The following KICS2 variants were observed in gnomAD, a reference collection of about 807,000 sequenced individuals.
KICS2 encodes the protein KICSTOR subunit 2, also known as KICSTOR complex protein C12orf66.
In KICS2, 13 loss-of-function variants were observed where a neutral mutation model predicts 31.4. That is an observed-to-expected ratio of 0.41 (90% CI 0.27 to 0.66). The LOEUF is 0.66. Ranked by LOEUF, KICS2 falls within the 30% of genes least tolerant of loss-of-function variation. KICS2 has a pLI of 0.28. For synonymous variants in KICS2, 209 were observed against 214.8 expected (o/e 0.97, Z 0.24); for missense variants, 455 against 545.4 (o/e 0.83, Z 1.65).
chr12:64,192,490 G>T lies in KICS2; in HGVS notation c.*1352C>A. ...CAGGCTTCCTACATGGACTCTGAGGGGCTCTCTGGTCTCTGCTGATGTTGC... is the reference window on the plus strand; with the variant it reads ...CAGGCTTCCTACATGGACTCTGAGGTGCTCTCTGGTCTCTGCTGATGTTGC... On this transcript the variant is annotated 3_prime_UTR_variant, in exon 3 of 3. Coordinates refer to ENST00000398055, the MANE Select transcript of KICS2 (RefSeq NM_152440.5). The T allele has an allele frequency of 5.4e-6, 3 of 551,054 alleles. No homozygotes were observed. The highest frequency in any genetic ancestry group is 4.6e-6 in the Non-Finnish European group (2 of 433,166). 34.1% of individuals were successfully genotyped at this position (551,054 alleles called of 1,614,324 possible).
intron 1 of KICS2, among the ~76,000 whole-genome samples, chr12:64,220,254 A>G (rs2037668203): frequency 6.6e-6 from 1 of 152,182 alleles, no homozygotes; most frequent in Admixed American, 6.5e-5. Context: ...GTTCAAGCAG[A>G]ACTAATCAAT....
chr12:64,216,109 T>TATAAATACTTTATGATAATA, intron 1 of KICS2, 146 bp from the exon 2 acceptor site: 1 of 362,834 alleles, frequency 2.8e-6, no homozygotes, highest in Non-Finnish European at 4.7e-6. Flanking sequence ...ATGATTGAGA[T>TATAAATACTTTATGATAATA]ATAAATACTT....
chr12:64,189,071 T>G (rs2037360695), downstream of KICS2, among the ~76,000 whole-genome samples: 1 of 152,108 alleles, frequency 6.6e-6, no homozygotes, highest in Admixed American at 6.5e-5. Flanking sequence ...GAGAATCACT[T>G]GAACCCTGGA....
At position 64,194,580 on chromosome 12, in the gene KICS2, G is replaced by C; in HGVS notation, c.600C>G (p.Ala200=). 6.2e-7 allele frequency: 1 copy of C among 1,614,126 alleles called. No homozygotes were observed. The highest frequency in any genetic ancestry group is 1.1e-5 in the South Asian group (1 of 91,082). The change falls in exon 3 of 3, where the codon GCC becomes GCG. Residue 200 remains alanine (A), a synonymous_variant. Coordinates refer to ENST00000398055, the MANE Select transcript of KICS2 (RefSeq NM_152440.5). ...ACTTCCACTCTGAGACCTGGGCCTG[G>C]GCTTTCAGGAGATGACACAGGACGT... ...EVDVLCHLLK[A]QAQVSEWKFL... is the part of the protein sequence containing the mutation.
At chr12:64,215,644 C>T in intron 2 of KICS2, 34 bp downstream of exon 2, 2 of 1,573,906 alleles carry the variant, frequency 1.3e-6, no homozygotes, top group Non-Finnish European at 1.7e-6. Context: ...GATAGGACAG[C>T]CACGCTTTCT....
At chr12:64,208,737 A>C (rs917915954) in intron 2 of KICS2, among the ~76,000 whole-genome samples, 2 of 152,210 alleles carry the variant, frequency 1.3e-5, no homozygotes, top group African/African-American at 4.8e-5. Flanking sequence ...CAATTTTTTA[A>C]TGTTATTTAA....
downstream of KICS2, chr12:64,187,700 G>C (rs894841605): frequency 2.1e-6 from 3 of 1,447,672 alleles, no homozygotes; most frequent in Non-Finnish European, 2.8e-6. Flanking sequence ...TAAACCTACA[G>C]GGCTTTTGTG....
chr12:64,220,457 T>C (rs2037670400), intron 1 of KICS2, among the ~76,000 whole-genome samples: 3 of 152,040 alleles, frequency 2.0e-5, no homozygotes, highest in African/African-American at 7.2e-5. Flanking sequence ...CCCACTCAGG[T>C]TATACGCAAA....
intron 1 of KICS2, among the ~76,000 whole-genome samples, chr12:64,216,853 C>T (rs1359057214): frequency 1.3e-5 from 2 of 151,984 alleles, no homozygotes; most frequent in Non-Finnish European, 2.9e-5. Context: ...AGCAATTCTG[C>T]ACCCACCAAA....
chr12:64,195,491 T>C (rs1474730018), intron 2 of KICS2, among the ~76,000 whole-genome samples: 1 of 152,218 alleles, frequency 6.6e-6, no homozygotes, highest in Admixed American at 6.5e-5. Context: ...AATAAATGTT[T>C]ATTAAAGAAA....
chr12:64,214,782 G>A (rs1316611769), intron 2 of KICS2, among the ~76,000 whole-genome samples: 2 of 152,160 alleles, frequency 1.3e-5, no homozygotes, highest in African/African-American at 4.8e-5. Context: ...GCAGGAGGCT[G>A]AGGCAGGAAA....
At chr12:64,214,450 A>C (rs181844604) in intron 2 of KICS2, among the ~76,000 whole-genome samples, 155 of 152,360 alleles carry the variant, frequency 1.0e-3, no homozygotes, top group Non-Finnish European at 1.7e-3. Context: ...AGATAACTAC[A>C]GTAAGAACTT....
chr12:64,210,853 ACACACACACGTGTATG>A (rs1248960934), intron 2 of KICS2, among the ~76,000 whole-genome samples: 2 of 152,174 alleles, frequency 1.3e-5, no homozygotes, highest in African/African-American at 4.8e-5. Flanking sequence ...GGAGACACAC[ACACACACACGTGTATG>A]CACACACACA....
chr12:64,197,958 T>G (rs2037456660), intron 2 of KICS2, among the ~76,000 whole-genome samples: 1 of 136,108 alleles, frequency 7.3e-6, no homozygotes. Flanking sequence ...AAGCAAGTCC[T>G]GAGTGACCTA....
chr12:64,186,841 A>C (rs2037342902), downstream of KICS2: 1 of 152,150 alleles, frequency 6.6e-6, no homozygotes, highest in Admixed American at 6.5e-5. Flanking sequence ...CCCTTAACAT[A>C]GTTGATGTTA....
At position 64,203,753 on chromosome 12, in the gene KICS2, C is replaced by T. The variant is rs151058577; in HGVS notation, c.522-9095G>A. On this transcript the variant is annotated intron_variant, in intron 2 of 2. Coordinates refer to ENST00000398055, the MANE Select transcript of KICS2 (RefSeq NM_152440.5). ...AGGATTATGGTTAAGAGAGTCCACA[C>T]TAGGTTGGACATTATAAGAGAGAAA... Among the ~76,000 whole-genome samples the T allele has an allele frequency of 5.9e-5, 9 of 152,222 alleles. No homozygotes were observed. The East Asian group carries it at 1.5e-3, about 26-fold the overall frequency.
chr12:64,202,467 G>C (rs1048383952), intron 2 of KICS2, among the ~76,000 whole-genome samples: 1 of 151,672 alleles, frequency 6.6e-6, no homozygotes, highest in African/African-American at 2.4e-5. Flanking sequence ...CCAAGTACCT[G>C]CACACATAAA....
chr12:64,206,373 T>C (rs963759810), intron 2 of KICS2, among the ~76,000 whole-genome samples: 1 of 152,220 alleles, frequency 6.6e-6, no homozygotes, highest in African/African-American at 2.4e-5. Context: ...TCTTTTCATT[T>C]AAAACAACTT....
intron 2 of KICS2, among the ~76,000 whole-genome samples, chr12:64,207,798 T>C: frequency 6.6e-6 from 1 of 152,186 alleles, no homozygotes; most frequent in East Asian, 1.9e-4. Context: ...AGTGTAAATT[T>C]GGAAGTCTGT....
Sources: allele counts gnomAD v4.1 joint callset (sites outside exome capture counted in the v4.1 genomes callset), GRCh38; gene constraint gnomAD v4.1.1; transcripts MANE v1.5; gene names NCBI Gene and HGNC (gene_info 2026-07-23, HGNC 2026-07-21).